TOR1AIP1: variants seen among roughly 807,000 people sequenced by gnomAD.
The protein encoded by TOR1AIP1 is torsin-1A-interacting protein 1.
A neutral mutation model predicts 63.3 loss-of-function variants in TOR1AIP1; 54 were observed. That is an observed-to-expected ratio of 0.85 (90% CI 0.69 to 1.07). TOR1AIP1 has a LOEUF of 1.07. Among genes scored for constraint, TOR1AIP1 ranks in the 50% least tolerant of loss-of-function variants. The pLI is 0.00. For missense variants in TOR1AIP1, 736 were observed against 715.0 expected (o/e 1.03, Z -0.33); for synonymous variants, 294 against 273.5 (o/e 1.07, Z -0.74).
At position 179,919,348 on chromosome 1, in the gene TOR1AIP1, C is replaced by G. The variant is rs150422179; in HGVS notation, c.*1109C>G. 6.6e-6 allele frequency: 1 copy of G among 152,158 alleles called. No homozygotes were observed. The highest frequency in any genetic ancestry group is 1.9e-4 in the East Asian group (1 of 5,188). 9.4% of individuals were successfully genotyped at this position (152,158 alleles called of 1,614,324 possible). A position where few individuals can be genotyped will look rare whatever the true frequency, so the allele number is the denominator to read the frequency against. On this transcript the variant is annotated 3_prime_UTR_variant, in exon 10 of 10. Coordinates refer to ENST00000606911, the MANE Select transcript of TOR1AIP1 (RefSeq NM_015602.4). ...TTGTTTTGAATTAAGAAATGAGTTTCAGGAATTGACAAACCATTTGTTAAC... is the reference window on the plus strand; with the variant it reads ...TTGTTTTGAATTAAGAAATGAGTTTGAGGAATTGACAAACCATTTGTTAAC...
At chr1:179,906,709 TTG>T (rs1242584038) in intron 6 of TOR1AIP1, among the ~76,000 whole-genome samples, 1 of 150,234 alleles carries the variant, frequency 6.7e-6, no homozygotes, top group African/African-American at 2.4e-5. Context: ...ATATATAATT[TTG>T]GAAAAATTAC....
rs530292548 is a variant in TOR1AIP1 at position 179,892,538 on chromosome 1, T to C, written c.610+3169T>C. ...AGATCACAAGGTCAGGAGATCGAGATCATCCTGGCTAACATGGTGAAACCC... is the reference window on the plus strand; with the variant it reads ...AGATCACAAGGTCAGGAGATCGAGACCATCCTGGCTAACATGGTGAAACCC... On this transcript the variant is annotated intron_variant, in intron 3 of 9. Coordinates refer to ENST00000606911, the MANE Select transcript of TOR1AIP1 (RefSeq NM_015602.4). Among the ~76,000 whole-genome samples, 16 of 151,084 alleles carry C rather than the reference T, an allele frequency of 1.1e-4. No homozygotes were observed. In the South Asian group the frequency reaches 1.5e-3, roughly 14 times the overall value.
chr1:179,901,592 CT>C (rs1223537409), intron 5 of TOR1AIP1, among the ~76,000 whole-genome samples: 1 of 152,016 alleles, frequency 6.6e-6, no homozygotes, highest in African/African-American at 2.4e-5. Flanking sequence ...TCACTTTTAG[CT>C]TTTTTTGATA....
At chr1:179,913,950 A>G (rs935090611) in intron 8 of TOR1AIP1, 48 bp from the exon 9 acceptor site, 1 of 1,508,060 alleles carries the variant, frequency 6.6e-7, no homozygotes, top group Admixed American at 1.9e-5. Flanking sequence ...AAATACTCAA[A>G]TTATGAAGCA....
In TOR1AIP1 at chr1:179,882,566, A is replaced by G. The variant is rs1647739818; in HGVS notation, c.64A>G (p.Arg22Gly). The G allele has an allele frequency of 1.3e-6, 2 of 1,513,346 alleles. No individual in the cohort carries two copies. Among genetic ancestry groups the G allele is most frequent in the Non-Finnish European group, 1.8e-6 (2 of 1,134,750 alleles). 93.7% of individuals were successfully genotyped at this position (1,513,346 alleles called of 1,614,324 possible). ...AGGATGGGGTGTGTACGTCACCCCC[A>G]GGGCCCCCATCCGAGAGGGAAGGGG... is the stretch of plus-strand genomic sequence containing the variant. ...REGWGVYVTP[R>G]APIREGRGRL... The change falls in exon 1 of 10, where the codon AGG becomes GGG. Residue 22 changes from arginine (R) to glycine (G), a missense_variant. Around this residue, in one of 2 missense-constraint regions of TOR1AIP1, gnomAD observed 464 missense variants for 371.0 expected, o/e 1.25. Coordinates refer to ENST00000606911, the MANE Select transcript of TOR1AIP1 (RefSeq NM_015602.4).
chr1:179,893,261 C>T (rs1465503159), intron 3 of TOR1AIP1, among the ~76,000 whole-genome samples: 3 of 147,178 alleles, frequency 2.0e-5, no homozygotes, highest in Admixed American at 1.3e-4. Context: ...AACAAACAAA[C>T]AAACAAAAAA....
At chr1:179,905,659 A>G (rs1172703676) in intron 6 of TOR1AIP1, among the ~76,000 whole-genome samples, 1 of 152,172 alleles carries the variant, frequency 6.6e-6, no homozygotes, top group East Asian at 1.9e-4. Flanking sequence ...CCATGCAGTG[A>G]GATACTATTT....
At position 179,917,452 on chromosome 1, in the gene TOR1AIP1, A is replaced by G; in HGVS notation, c.965A>G (p.Gln322Arg). The change falls in exon 10 of 10, where the codon CAA (glutamine) becomes CGA (arginine). Residue 322 changes from glutamine (Q) to arginine (R), a missense_variant and splice_region_variant. Gln to Arg is a conservative substitution (Grantham distance 43, BLOSUM62 1). Coordinates refer to ENST00000606911, the MANE Select transcript of TOR1AIP1 (RefSeq NM_015602.4). ...GNQSPSTSSR[Q>R]VTGQPQNASF... is the part of the protein sequence containing the mutation. ...TGTCATTTCTTTTTTGTCTGAGTAG[A>G]AGTGACTGGACAACCCCAAAATGCA... 1 of 1,609,736 alleles carries G rather than the reference A, an allele frequency of 6.2e-7. No individual in the cohort carries two copies. Among genetic ancestry groups the G allele is most frequent in the Non-Finnish European group, 8.5e-7 (1 of 1,178,862 alleles).
chr1:179,906,749 T>C (rs960386190), intron 6 of TOR1AIP1, among the ~76,000 whole-genome samples: 1 of 141,326 alleles, frequency 7.1e-6, no homozygotes, highest in African/African-American at 2.7e-5. Flanking sequence ...CCCCCTTTTT[T>C]TTTTTTGAGA....
chr1:179,883,014 C>T, intron 1 of TOR1AIP1, 37 bp downstream of exon 1: 1 of 1,577,202 alleles, frequency 6.3e-7, no homozygotes, highest in Middle Eastern at 1.7e-4. Context: ...AGCCGCGAGC[C>T]AGGGAACGCG....
In TOR1AIP1 at chr1:179,918,355, A is replaced by G. The variant is rs1649090906; in HGVS notation, c.*116A>G. ...AACTAGTTTCTTTTTAAAGAAGTTAAGTGCTTACATAAACATGGAACATAT... is the reference window on the plus strand; with the variant it reads ...AACTAGTTTCTTTTTAAAGAAGTTAGGTGCTTACATAAACATGGAACATAT... On this transcript the variant is annotated 3_prime_UTR_variant, in exon 10 of 10. Coordinates refer to ENST00000606911, the MANE Select transcript of TOR1AIP1 (RefSeq NM_015602.4). The G allele has an allele frequency of 1.1e-6, 1 of 925,754 alleles. No individual in the cohort carries two copies. Among genetic ancestry groups the G allele is most frequent in the African/African-American group, 1.7e-5 (1 of 59,722 alleles). The allele number at this position is 925,754 out of a possible 1,614,324, so 57.3% of individuals were successfully genotyped here.
At chr1:179,907,950 TCTGTCGCCCAGG>T in intron 7 of TOR1AIP1, 86 bp downstream of exon 7, 1 of 926,272 alleles carries the variant, frequency 1.1e-6, no homozygotes, top group Non-Finnish European at 1.5e-6. Context: ...GATGTCTTGC[TCTGTCGCCCAGG>T]CTGGAGTGCA....
chr1:179,915,744 C>T (rs1413493817), intron 9 of TOR1AIP1, among the ~76,000 whole-genome samples: 3 of 151,596 alleles, frequency 2.0e-5, no homozygotes, highest in Non-Finnish European at 4.4e-5. Flanking sequence ...GGCCACAGAG[C>T]GAGACTCCAT....
intron 2 of TOR1AIP1, among the ~76,000 whole-genome samples, chr1:179,886,089 C>T (rs1332608523): frequency 3.3e-5 from 5 of 152,082 alleles, no homozygotes; most frequent in Non-Finnish European, 7.4e-5. Context: ...AGATTATAAA[C>T]TATCTTAGAA....
rs1227690407 is a variant in TOR1AIP1, at chr1:179,918,758, CT to C, written c.*523del. 6.6e-6 allele frequency: 1 copy of C among 152,206 alleles called. No individual in the cohort carries two copies. The highest frequency in any genetic ancestry group is 1.5e-5 in the Non-Finnish European group (1 of 68,234). 9.4% of individuals were successfully genotyped at this position (152,206 alleles called of 1,614,324 possible). A position where few individuals can be genotyped will look rare whatever the true frequency, so the allele number is the denominator to read the frequency against. ...CTAGGTGTGTGTTTGGAATTTTTTT[CT>C]TTTGTTTTTTGGAAAATGGAAAGAA... On this transcript the variant is annotated 3_prime_UTR_variant, in exon 10 of 10. Transcript: ENST00000606911.
rs1649092585 is a variant in TOR1AIP1 at position 179,918,431 on chromosome 1, T to C, written c.*192T>C. 11 of 599,306 alleles carry C rather than the reference T, an allele frequency of 1.8e-5. No homozygotes were observed. The highest frequency in any genetic ancestry group is 2.9e-6 in the Non-Finnish European group (1 of 350,462). The allele number at this position is 599,306 out of a possible 1,614,324, so 37.1% of individuals were successfully genotyped here. A position where few individuals can be genotyped will look rare whatever the true frequency, so the allele number is the denominator to read the frequency against. ...TGTGATATGAGAGAATCATTTCAGT[T>C]TCCATTGAGAGCTCTGTTAAAGGTA... On this transcript the variant is annotated 3_prime_UTR_variant, in exon 10 of 10. Transcript: ENST00000606911.
At chr1:179,888,574 T>C (rs903869681) in intron 2 of TOR1AIP1, among the ~76,000 whole-genome samples, 1 of 152,212 alleles carries the variant, frequency 6.6e-6, no homozygotes, top group Non-Finnish European at 1.5e-5. Context: ...AAGGGGATCA[T>C]CAAAGTTCCA....
chr1:179,893,166 C>T (rs544120645), intron 3 of TOR1AIP1, among the ~76,000 whole-genome samples: 3 of 151,584 alleles, frequency 2.0e-5, no homozygotes, highest in East Asian at 2.0e-4. Flanking sequence ...TTGCCTGAAC[C>T]GGGGAGGTGG....
At position 179,902,615 on chromosome 1, in the gene TOR1AIP1, A is replaced by G. The variant is rs187659440; in HGVS notation, c.739+1227A>G. 2.9e-3 allele frequency among the ~76,000 whole-genome samples: 436 copies of G among 152,134 alleles called. 1 individual carries two copies. The highest frequency in any genetic ancestry group is 0.014 in the Middle Eastern group (4 of 294). ...TTTCCCACCCTTCCTCATTTTTCCT[A>G]TGAATTCTTGATACAGAAATGGAGA... On this transcript the variant is annotated intron_variant, in intron 5 of 9. Transcript: ENST00000606911.
Sources: gnomAD v4.1 joint callset for allele counts (sites outside exome capture counted in the v4.1 genomes callset) on GRCh38, gnomAD v4.1.1 for gene constraint, gnomAD v4.1.1 regional missense constraint, MANE v1.5 for transcripts, NCBI Gene and HGNC (gene_info 2026-07-23, HGNC 2026-07-21) for gene names.